Variants in ZFPM2 observed in about 807,000 individuals in gnomAD.
The protein encoded by ZFPM2 is zinc finger protein ZFPM2.
A neutral mutation model predicts 98.6 loss-of-function variants in ZFPM2; 20 were observed. The ratio of observed to expected loss-of-function variants is 0.20; its 90% CI spans 0.14 to 0.29. The LOEUF is 0.29. ZFPM2 is among the 10% of genes least tolerant of loss of function. The pLI is 1.00. For missense variants in ZFPM2, 1,310 were observed against 1,388.6 expected (o/e 0.94, Z 0.90); for synonymous variants, 518 against 502.7 (o/e 1.03, Z -0.41).
At chr8:105,489,466 A>ATATATATATATATTTTTTTTTTTT (rs1554610604) in intron 3 of ZFPM2, among the ~76,000 whole-genome samples, 1 of 119,810 alleles carries the variant, frequency 8.3e-6, no homozygotes, top group African/African-American at 3.6e-5. Flanking sequence ...ATATATATAT[A>ATATATATATATATTTTTTTTTTTT]TTTTTTTTTT....
chr8:105,502,600 T>C (rs961670820), intron 3 of ZFPM2, among the ~76,000 whole-genome samples: 3 of 152,214 alleles, frequency 2.0e-5, no homozygotes, highest in African/African-American at 7.2e-5. Context: ...TGCAATCATC[T>C]AGAAAAGCAA....
chr8:105,599,736 A>T (rs1450166), intron 4 of ZFPM2, among the ~76,000 whole-genome samples: 27,508 of 152,062 alleles, frequency 0.18, 2,696 homozygotes, highest in Middle Eastern at 0.33. Flanking sequence ...GCCCTATCAC[A>T]ACTCCCCTGA....
chr8:105,478,429 C>T (rs1018122354), intron 3 of ZFPM2, among the ~76,000 whole-genome samples: 1 of 152,136 alleles, frequency 6.6e-6, no homozygotes. Flanking sequence ...AAGTGATTGT[C>T]TTCTACTCTC....
At chr8:105,562,950 T>C (rs979117786) in intron 4 of ZFPM2, among the ~76,000 whole-genome samples, 15 of 152,220 alleles carry the variant, frequency 9.9e-5, no homozygotes, top group African/African-American at 2.9e-4. Flanking sequence ...AAAACCTCTC[T>C]TATAATAAGT....
chr8:105,580,569 G>A (rs1423627453), intron 4 of ZFPM2, among the ~76,000 whole-genome samples: 2 of 152,006 alleles, frequency 1.3e-5, no homozygotes, highest in African/African-American at 4.8e-5. Context: ...GATACAAAGT[G>A]TAAAATACTC....
chr8:105,388,967 C>T (rs958187175), intron 1 of ZFPM2, among the ~76,000 whole-genome samples: 2 of 151,190 alleles, frequency 1.3e-5, no homozygotes, highest in African/African-American at 4.9e-5. Flanking sequence ...CGTGCACATA[C>T]AGAGGAGAGA....
chr8:105,330,617 T>TATATATATACAC (rs1812210777), intron 1 of ZFPM2, among the ~76,000 whole-genome samples: 5 of 58,858 alleles, frequency 8.5e-5, no homozygotes, highest in African/African-American at 5.0e-4. Flanking sequence ...TATACACATA[T>TATATATATACAC]ATATATATAT....
At chr8:105,417,936 G>A (rs1229983542) in intron 1 of ZFPM2, among the ~76,000 whole-genome samples, 1 of 152,020 alleles carries the variant, frequency 6.6e-6, no homozygotes, top group Non-Finnish European at 1.5e-5. Context: ...TTTTTAGTTG[G>A]ATGTCCCTTC....
intron 1 of ZFPM2, among the ~76,000 whole-genome samples, chr8:105,390,807 T>A (rs1362937674): frequency 6.6e-6 from 1 of 152,186 alleles, no homozygotes; most frequent in Non-Finnish European, 1.5e-5. Context: ...AGTATTAACA[T>A]TCTAGCTTAA....
intron 1 of ZFPM2, among the ~76,000 whole-genome samples, chr8:105,348,294 G>T (rs1363282040): frequency 6.6e-6 from 1 of 152,168 alleles, no homozygotes; most frequent in African/African-American, 2.4e-5. Flanking sequence ...AAAGTCATTT[G>T]TATAAGAAGC....
chr8:105,385,457 C>T (rs1384972565), intron 1 of ZFPM2, among the ~76,000 whole-genome samples: 1 of 152,180 alleles, frequency 6.6e-6, no homozygotes, highest in Non-Finnish European at 1.5e-5. Context: ...AGACAAACGT[C>T]AAGCTAGCTA....
At chr8:105,444,433 C>T in intron 3 of ZFPM2, 52 bp downstream of exon 3, 1 of 1,401,572 alleles carries the variant, frequency 7.1e-7, no homozygotes, top group Non-Finnish European at 9.7e-7. Flanking sequence ...TAGAAATACA[C>T]ATTTTTCTTT....
intron 3 of ZFPM2, among the ~76,000 whole-genome samples, chr8:105,551,772 T>C (rs1321171574): frequency 6.6e-6 from 1 of 152,148 alleles, no homozygotes. Context: ...AGTCTAACAA[T>C]ATTTACCTGT....
chr8:105,689,103 C>T lies in ZFPM2; in HGVS notation c.532+54746C>T, dbSNP rs143682320. On this transcript the variant is annotated intron_variant, in intron 5 of 7. Coordinates refer to ENST00000407775, the MANE Select transcript of ZFPM2 (RefSeq NM_012082.4). ...TTCCATCTCTCATCATCCACCTCCACTCCCTTCCTGACCTAAGCATTTTCT... is the reference window on the plus strand; with the variant it reads ...TTCCATCTCTCATCATCCACCTCCATTCCCTTCCTGACCTAAGCATTTTCT... Among the ~76,000 whole-genome samples the T allele has an allele frequency of 5.3e-5, 8 of 152,178 alleles. No homozygotes were observed. In the East Asian group the frequency reaches 1.4e-3, roughly 26 times the overall value.
chr8:105,487,163 A>G (rs2130412831), intron 3 of ZFPM2, among the ~76,000 whole-genome samples: 1 of 152,166 alleles, frequency 6.6e-6, no homozygotes, highest in Admixed American at 6.5e-5. Context: ...CCTAGGCTGG[A>G]GTGCAGTGGT....
intron 3 of ZFPM2, among the ~76,000 whole-genome samples, chr8:105,457,480 A>T (rs941047160): frequency 1.2e-4 from 18 of 152,178 alleles, no homozygotes; most frequent in African/African-American, 4.3e-4. Context: ...CACAGTACAG[A>T]GGAGAAGATA....
At chr8:105,453,291 T>A (rs1415875386) in intron 3 of ZFPM2, among the ~76,000 whole-genome samples, 1 of 152,296 alleles carries the variant, frequency 6.6e-6, no homozygotes, top group Admixed American at 6.5e-5. Flanking sequence ...TTGAAAATTG[T>A]TTTAATAATG....
intron 5 of ZFPM2, among the ~76,000 whole-genome samples, chr8:105,715,993 G>A (rs147747176): frequency 6.6e-6 from 1 of 151,836 alleles, no homozygotes; most frequent in African/African-American, 2.4e-5. Context: ...ACAATCAGGT[G>A]CCATAATCTG....
intron 5 of ZFPM2, chr8:105,737,133 G>T (rs554692111): frequency 6.6e-6 from 1 of 152,140 alleles, no homozygotes; most frequent in Admixed American, 6.5e-5. Flanking sequence ...GAGAACAAGG[G>T]AGTTTGTGTG....
Sources: allele counts gnomAD v4.1 joint callset (sites outside exome capture counted in the v4.1 genomes callset), GRCh38; gene constraint gnomAD v4.1.1; transcripts MANE v1.5; gene names NCBI Gene and HGNC (gene_info 2026-07-23, HGNC 2026-07-21).